TSPOAP1: variants seen among roughly 807,000 people sequenced by gnomAD.
TSPOAP1 encodes the protein TSPO associated protein 1, also known as peripheral-type benzodiazepine receptor-associated protein 1.
A neutral mutation model predicts 197.0 loss-of-function variants in TSPOAP1; 87 were observed. The ratio of observed to expected loss-of-function variants is 0.44; its 90% confidence interval spans 0.37 to 0.53. TSPOAP1 has a LOEUF of 0.53. TSPOAP1 is among the 20% of genes least tolerant of loss of function. The pLI, the probability that TSPOAP1 is intolerant of heterozygous loss-of-function variation, is 0.00. For missense variants in TSPOAP1, 2,174 were observed against 2,411.3 expected, an observed-to-expected ratio of 0.90 and a Z score of 2.06; for synonymous variants, 913 against 998.9, an observed-to-expected ratio of 0.91 and a Z score of 1.62.
In TSPOAP1 at chr17:58,322,621, C is replaced by A; in HGVS notation, c.1317+33G>T. ...CCCACTTGCTCCCCATGCCAGGGCC[C>A]AGCACCCTCTCCCACCTGCACCATC... On this transcript the variant is annotated intron_variant, in intron 9 of 31. Transcript: ENST00000343736. The surrounding 1 kb of genome is among the most constrained non-coding windows in gnomAD (Gnocchi z 5.0). The A allele has an allele frequency of 6.2e-7, 1 of 1,604,706 alleles. No individual in the cohort carries two copies.
chr17:58,307,790 CGCA>C (rs1567839258), intron 23 of TSPOAP1, 28 bp from the exon 24 acceptor site: 1 of 1,613,578 alleles, frequency 6.2e-7, no homozygotes, highest in Admixed American at 1.7e-5. Context: ...AGGGCGGTGA[CGCA>C]GCGAGCTCTG....
At chr17:58,313,645 A>T (rs1257615735) in intron 16 of TSPOAP1, among the ~76,000 whole-genome samples, 1 of 151,522 alleles carries the variant, frequency 6.6e-6, no homozygotes, top group Non-Finnish European at 1.5e-5. Context: ...GTTGGGTTTT[A>T]CCTGGGCCTG....
intron 25 of TSPOAP1, 107 bp from the exon 26 acceptor site, chr17:58,306,520 G>T: frequency 1.8e-6 from 2 of 1,127,602 alleles, no homozygotes; most frequent in Non-Finnish European, 2.5e-6. Flanking sequence ...AGCTTGTTTC[G>T]TAAGGGCATT....
intron 16 of TSPOAP1, among the ~76,000 whole-genome samples, chr17:58,315,719 A>G (rs1301439973): frequency 6.6e-6 from 1 of 152,130 alleles, no homozygotes; most frequent in Non-Finnish European, 1.5e-5. Flanking sequence ...CCACACAAAA[A>G]TGAATCTAGC....
chr17:58,324,927 G>T lies in TSPOAP1; in HGVS notation c.826C>A (p.Gln276Lys). ...TGGTTGCGCAGCGCGATCTGCCTCT[G>T]CAGCCGCAGCACCTCCCGCTGGGAC... ...RESQREVLRL[Q>K]RQIALRNQRE... Residue 276 changes from glutamine (Q) to lysine (K), a missense_variant, in exon 5 of 32, where the codon CAG (glutamine) becomes AAG (lysine). Gln to Lys is a moderately conservative substitution (Grantham distance 53). Coordinates refer to ENST00000343736, the MANE Select transcript of TSPOAP1 (RefSeq NM_004758.4). The surrounding 1 kb of genome is among the most constrained non-coding windows in gnomAD (Gnocchi z 5.8). The T allele has an allele frequency of 6.5e-7, 1 of 1,538,854 alleles. No homozygotes were observed.
At chr17:58,305,783 C>G in intron 27 of TSPOAP1, 50 bp downstream of exon 27, 2 of 1,608,392 alleles carry the variant, frequency 1.2e-6, no homozygotes. Flanking sequence ...AGAGGGGCCA[C>G]CCACCCTATC....
At chr17:58,310,404 G>A in intron 20 of TSPOAP1, 108 bp downstream of exon 20, 1 of 1,497,728 alleles carries the variant, frequency 6.7e-7, no homozygotes, top group Non-Finnish European at 9.0e-7. Flanking sequence ...GTGAGAGCAG[G>A]ACCAGAGCAG....
Position 58,305,636 on chromosome 17 carries a change from A to C in TSPOAP1, c.5265T>G (p.Pro1755=), listed in dbSNP as rs942846030. Reference sequence around the variant, plus strand: ...TCAGGTCAGCAGAGGGGACCAGCTTAGGGGGGCCTGCAGGGGGAGTAGGAG... The same window carrying C: ...TCAGGTCAGCAGAGGGGACCAGCTTCGGGGGGCCTGCAGGGGGAGTAGGAG... The part of the protein sequence containing the change: ...EGPAQPCPGP[P]KLVPSADLKA... The change falls in exon 28 of 32, where the codon CCT becomes CCG. Residue 1755 remains proline, a synonymous_variant. Coordinates refer to ENST00000343736, the MANE Select transcript of TSPOAP1 (RefSeq NM_004758.4). 1.3e-6 allele frequency: 2 copies of C among 1,526,654 alleles called. No individual in the cohort carries two copies. Among genetic ancestry groups the C allele is most frequent in the Non-Finnish European group, 1.8e-6 (2 of 1,131,210 alleles). 94.6% of individuals were successfully genotyped at this position (1,526,654 alleles called of 1,614,324 possible).
Position 58,304,298 on chromosome 17 carries a change from G to T in TSPOAP1, c.*32+40C>A. 3 of 1,543,492 alleles carry T rather than the reference G, an allele frequency of 1.9e-6. No individual in the cohort carries two copies. The highest frequency in any genetic ancestry group is 1.1e-5 in the South Asian group (1 of 89,300). On this transcript the variant is annotated intron_variant, in intron 31 of 31. Coordinates refer to ENST00000343736, the MANE Select transcript of TSPOAP1 (RefSeq NM_004758.4). The surrounding 1 kb of genome is among the most constrained non-coding windows in gnomAD (Gnocchi z 4.2). ...GAGCACTGTCTGATTATGGTCAAGT[G>T]GGGGTGGACGGTCACACAGGGGGGC... is the stretch of plus-strand genomic sequence containing the variant.
chr17:58,323,028 C>T lies in TSPOAP1; in HGVS notation c.1116G>A (p.Leu372=), dbSNP rs1459616729. Residue 372 remains leucine (L), a synonymous_variant, in exon 8 of 32, where the codon CTG becomes CTA. Coordinates refer to ENST00000343736, the MANE Select transcript of TSPOAP1 (RefSeq NM_004758.4). ...GGGCATTCTCATTCTGCGCTTGTCTCAGCTGCAGTTCCTGAGCGGGCAGAG... is the reference window on the plus strand; with the variant it reads ...GGGCATTCTCATTCTGCGCTTGTCTTAGCTGCAGTTCCTGAGCGGGCAGAG... The part of the protein sequence containing the change: ...QRRCEELELQ[L]RQAQNENARL... 1 of 1,609,182 alleles carries T rather than the reference C, an allele frequency of 6.2e-7. No homozygotes were observed. Among genetic ancestry groups the T allele is most frequent in the Non-Finnish European group, 8.5e-7 (1 of 1,177,894 alleles).
At position 58,324,908 on chromosome 17, in the gene TSPOAP1, C is replaced by T. The variant is rs1293138068; in HGVS notation, c.845G>A (p.Arg282His). The part of the protein sequence containing the change: ...VLRLQRQIAL[R>H]NQRETLPLPP... ...GAGCGGGAGCGTCTCCCGCTGGTTG[C>T]GCAGCGCGATCTGCCTCTGCAGCCG... Residue 282 changes from arginine (R) to histidine (H), a missense_variant, in exon 5 of 32, where the codon CGC becomes CAC. Transcript: ENST00000343736. The surrounding 1 kb of genome is among the most constrained non-coding windows in gnomAD (Gnocchi z 5.8). 1 of 1,536,142 alleles carries T rather than the reference C, an allele frequency of 6.5e-7. No homozygotes were observed. The highest frequency in any genetic ancestry group is 8.7e-7 in the Non-Finnish European group (1 of 1,145,510).
chr17:58,313,430 T>C (rs1311804960), intron 16 of TSPOAP1, among the ~76,000 whole-genome samples: 2 of 151,946 alleles, frequency 1.3e-5, no homozygotes, highest in South Asian at 2.1e-4. Context: ...CTGGGCAACA[T>C]GGCAAAACCC....
In TSPOAP1 at chr17:58,324,763, C is replaced by T; in HGVS notation, c.942+48G>A. 2 of 1,386,018 alleles carry T rather than the reference C, an allele frequency of 1.4e-6. No individual in the cohort carries two copies. The highest frequency in any genetic ancestry group is 1.9e-6 in the Non-Finnish European group (2 of 1,062,586). 85.9% of individuals were successfully genotyped at this position (1,386,018 alleles called of 1,614,324 possible). Reference sequence around the variant, plus strand: ...GGGGAGATCCCGGTGGTCGTTCCCCCCACCCATCTGCACGCACCCACACAC... The same window carrying T: ...GGGGAGATCCCGGTGGTCGTTCCCCTCACCCATCTGCACGCACCCACACAC... On this transcript the variant is annotated intron_variant, in intron 5 of 31. Transcript: ENST00000343736. This position sits in a 1 kb window ranked among gnomAD's most constrained non-coding sequence, Gnocchi z 5.8.
chr17:58,315,367 T>C (rs1418508735), intron 16 of TSPOAP1, among the ~76,000 whole-genome samples: 1 of 152,214 alleles, frequency 6.6e-6, no homozygotes, highest in Non-Finnish European at 1.5e-5. Flanking sequence ...TGCCATCCTC[T>C]CTGCTGCTGA....
In TSPOAP1 at chr17:58,308,851, C is replaced by T. The variant is rs769795017; in HGVS notation, c.4421G>A (p.Arg1474Gln). Residue 1474 changes from arginine to glutamine, a missense_variant, in exon 22 of 32, where the codon CGG becomes CAG. By Grantham distance (43) the Arg-to-Gln change is conservative (BLOSUM62 1). Coordinates refer to ENST00000343736, the MANE Select transcript of TSPOAP1 (RefSeq NM_004758.4). ...CAGCGCCCGGCCACGGGAGCACCTCCGGGAAGGGCCCAGCCGGCCTCTCCC... is the reference window on the plus strand; with the variant it reads ...CAGCGCCCGGCCACGGGAGCACCTCTGGGAAGGGCCCAGCCGGCCTCTCCC... ...ASGRGRLGPS[R>Q]RCSRGRALEP... The T allele has an allele frequency of 1.1e-5, 18 of 1,609,396 alleles. No individual in the cohort carries two copies. The highest frequency in any genetic ancestry group is 1.7e-4 in the Middle Eastern group (1 of 6,050).
In TSPOAP1 at chr17:58,312,064, C is replaced by T; in HGVS notation, c.2757G>A (p.Glu919=). ...AGGTACTGGGGCTGGCAGGTGGGCACTCTTCCCCATTGAGGTAGATGGCAT... is the reference window on the plus strand; with the variant it reads ...AGGTACTGGGGCTGGCAGGTGGGCATTCTTCCCCATTGAGGTAGATGGCAT... ...LAHAIYLNGE[E]CPPASPSTYW... is the part of the protein sequence containing the mutation. Residue 919 remains glutamate (E), a synonymous_variant, in exon 17 of 32, where the codon GAG becomes GAA. Coordinates refer to ENST00000343736, the MANE Select transcript of TSPOAP1 (RefSeq NM_004758.4). 1 of 1,613,438 alleles carries T rather than the reference C, an allele frequency of 6.2e-7. No homozygotes were observed. Among genetic ancestry groups the T allele is most frequent in the Non-Finnish European group, 8.5e-7 (1 of 1,179,954 alleles).
chr17:58,316,419 A>T lies in TSPOAP1; in HGVS notation c.1988+6T>A. On this transcript the variant is annotated splice_donor_region_variant and intron_variant, in intron 15 of 31. Transcript: ENST00000343736. ...GGCTAGGGGGCAGTGAGGGTGAGGG[A>T]CCCACCTATAACGTGCTAGGAAGAC... The T allele has an allele frequency of 6.2e-7, 1 of 1,606,868 alleles. No individual in the cohort carries two copies. The highest frequency in any genetic ancestry group is 1.7e-4 in the Middle Eastern group (1 of 6,038).
chr17:58,307,567 C>T (rs36057095), intron 24 of TSPOAP1, 44 bp downstream of exon 24: 496,157 of 1,598,060 alleles, frequency 0.31, 77,761 homozygotes, highest in Non-Finnish European at 0.32. Flanking sequence ...AGGGAAGACC[C>T]AGCTGGTGTT....
In TSPOAP1 at chr17:58,324,865, C is replaced by G. The variant is rs1459748039; in HGVS notation, c.888G>C (p.Pro296=). Reference sequence around the variant, plus strand: ...CTGCTCTGGCCTGGAGAGCAGGGCCCGGGGGCCAGGACGGCGGGAGCGGGA... The same window carrying G: ...CTGCTCTGGCCTGGAGAGCAGGGCCGGGGGGCCAGGACGGCGGGAGCGGGA... ...ETLPLPPSWP[P]GPALQARAGA... The change falls in exon 5 of 32, where the codon CCG becomes CCC. Residue 296 remains proline, a synonymous_variant. Transcript: ENST00000343736. This position sits in a 1 kb window ranked among gnomAD's most constrained non-coding sequence, Gnocchi z 5.8. 3.3e-6 allele frequency: 5 copies of G among 1,529,896 alleles called. No individual in the cohort carries two copies. The highest frequency in any genetic ancestry group is 4.4e-6 in the Non-Finnish European group (5 of 1,143,398). The allele number at this position is 1,529,896 out of a possible 1,614,324, so 94.8% of individuals were successfully genotyped here.
Sources: allele counts gnomAD v4.1 joint callset (sites outside exome capture counted in the v4.1 genomes callset), GRCh38; gene constraint gnomAD v4.1.1; non-coding constraint Gnocchi (gnomAD v3.1); transcripts MANE v1.5; gene names NCBI Gene and HGNC (gene_info 2026-07-23, HGNC 2026-07-21).